DNAJC19: variants seen among roughly 807,000 people sequenced by gnomAD.
DNAJC19 encodes the protein mitochondrial import inner membrane translocase subunit TIM14.
In DNAJC19, 15 loss-of-function variants were observed where a neutral mutation model predicts 19.8. The observed-to-expected ratio is 0.76, with a 90% confidence interval of 0.51 to 1.17. DNAJC19 has a LOEUF of 1.17. Ranked by LOEUF, DNAJC19 falls within the 50% of genes most tolerant of loss-of-function variation. DNAJC19 has a pLI of 0.00. For missense variants in DNAJC19, 105 were observed against 140.9 expected (o/e 0.75, Z 1.29); for synonymous variants, 38 against 42.1 (o/e 0.90, Z 0.38).
In DNAJC19 at chr3:180,983,928, A is replaced by AT. The variant is rs1245221102; in HGVS notation, c.*711dup. 1 of 453,888 alleles carries AT rather than the reference A, an allele frequency of 2.2e-6. No homozygotes were observed. Among genetic ancestry groups the AT allele is most frequent in the Non-Finnish European group, 4.4e-6 (1 of 226,744 alleles). 28.1% of individuals were successfully genotyped at this position (453,888 alleles called of 1,614,324 possible). A position where few individuals can be genotyped will look rare whatever the true frequency, so the allele number is the denominator to read the frequency against. ...AAGGGGCTAGCTGAATACAATGTAA[A>AT]TACTCATGCCTGTAATCCCAGTACT... On this transcript the variant is annotated 3_prime_UTR_variant, in exon 6 of 6. Coordinates refer to ENST00000382564, the MANE Select transcript of DNAJC19 (RefSeq NM_145261.4).
At chr3:180,986,844 C>T (rs1714934338) in intron 4 of DNAJC19, 99 bp downstream of exon 4, 2 of 992,528 alleles carry the variant, frequency 2.0e-6, no homozygotes, top group South Asian at 1.3e-5. Context: ...ACAAAATCCC[C>T]CATGACCCTC....
At chr3:180,989,306 T>C in intron 1 of DNAJC19, 1 of 1,392,904 alleles carries the variant, frequency 7.2e-7, no homozygotes, top group Non-Finnish European at 9.3e-7. Flanking sequence ...TTTCCACTAA[T>C]CTCCGAGTCC....
intron 4 of DNAJC19, among the ~76,000 whole-genome samples, chr3:180,986,286 GTT>G (rs138755965): frequency 2.2e-5 from 3 of 138,572 alleles, no homozygotes. Context: ...GAAGAGTTTT[GTT>G]TTTTTTTTTT....
chr3:180,987,994 G>C, intron 3 of DNAJC19, 29 bp downstream of exon 3: 5 of 1,613,058 alleles, frequency 3.1e-6, no homozygotes, highest in Non-Finnish European at 4.2e-6. Context: ...GTTTCAAATA[G>C]AAGCAGCAAA....
intron 3 of DNAJC19, chr3:180,987,765 G>A: frequency 1.9e-6 from 1 of 513,576 alleles, no homozygotes; most frequent in Non-Finnish European, 3.5e-6. Flanking sequence ...TGAAGGTGAT[G>A]GTATGTGAAA....
At chr3:180,986,088 CTG>C (rs1178242465) in intron 4 of DNAJC19, 92 bp from the exon 5 acceptor site, 12 of 1,023,314 alleles carry the variant, frequency 1.2e-5, no homozygotes, top group East Asian at 7.4e-5. Context: ...CACTGTGAAA[CTG>C]TAGTAAATTA....
chr3:180,985,206 C>G (rs2108507411), intron 5 of DNAJC19, among the ~76,000 whole-genome samples: 1 of 152,256 alleles, frequency 6.6e-6, no homozygotes, highest in South Asian at 2.1e-4. Flanking sequence ...ACAATGTCAT[C>G]TACAGCTGCT....
chr3:180,989,508 G>T, intron 1 of DNAJC19, 92 bp downstream of exon 1: 1 of 1,550,878 alleles, frequency 6.4e-7, no homozygotes, highest in Non-Finnish European at 8.7e-7. Flanking sequence ...TCGCACTAAG[G>T]AGCACAACTT....
At chr3:180,989,397 C>A in intron 1 of DNAJC19, 3 of 1,437,664 alleles carry the variant, frequency 2.1e-6, no homozygotes, top group East Asian at 2.5e-5. Context: ...GAGAACCGTG[C>A]AGAAAGACGA....
chr3:180,988,878 T>C lies in DNAJC19; in HGVS notation c.4-649A>G, dbSNP rs550090770. 4.3e-3 allele frequency among the ~76,000 whole-genome samples: 639 copies of C among 149,908 alleles called. 4 individuals are homozygous for C. The highest frequency in any genetic ancestry group is 7.9e-3 in the Non-Finnish European group (531 of 67,488). On this transcript the variant is annotated intron_variant, in intron 1 of 5. Transcript: ENST00000382564. ...AAAAAAAATTAGCTGGGCGTGGTGG[T>C]GGGCGCCTGTAATCCCAGCTACTTG...
rs745435747 is a variant in DNAJC19, at chr3:180,983,968, C to T, written c.*672G>A. 2.4e-5 allele frequency: 11 copies of T among 453,750 alleles called. No homozygotes were observed. Among genetic ancestry groups the T allele is most frequent in the South Asian group, 4.7e-5 (3 of 64,462 alleles). The allele number at this position is 453,750 out of a possible 1,614,324, so 28.1% of individuals were successfully genotyped here. On this transcript the variant is annotated 3_prime_UTR_variant, in exon 6 of 6. Coordinates refer to ENST00000382564, the MANE Select transcript of DNAJC19 (RefSeq NM_145261.4). ...ATCCCAGTACTTTGGGAGGCTGAGGCGGGAGGACTGCTTAAACCCAGGAGG... is the reference window on the plus strand; with the variant it reads ...ATCCCAGTACTTTGGGAGGCTGAGGTGGGAGGACTGCTTAAACCCAGGAGG...
At chr3:180,988,798 C>T (rs908435863) in intron 1 of DNAJC19, among the ~76,000 whole-genome samples, 2 of 150,740 alleles carry the variant, frequency 1.3e-5, no homozygotes, top group South Asian at 2.1e-4. Context: ...GTCGGGAGAT[C>T]GAGACCATCC....
chr3:180,985,371 A>C (rs2108507527), intron 5 of DNAJC19: 1 of 154,830 alleles, frequency 6.5e-6, no homozygotes, highest in Admixed American at 6.3e-5. Context: ...AATTTCATAA[A>C]AGATACTGTG....
Position 180,984,224 on chromosome 3 carries a change from C to T in DNAJC19, c.*416G>A, listed in dbSNP as rs1165502589. 23 of 453,902 alleles carry T rather than the reference C, an allele frequency of 5.1e-5. No individual in the cohort carries two copies. The highest frequency in any genetic ancestry group is 1.2e-4 in the African/African-American group (6 of 49,954). The allele number at this position is 453,902 out of a possible 1,614,324, so 28.1% of individuals were successfully genotyped here. ...CCTGTACCTGGAACAGCCTTTCCAC[C>T]GAATAAGAAGAGTCCCTACTTAAAC... On this transcript the variant is annotated 3_prime_UTR_variant, in exon 6 of 6. Coordinates refer to ENST00000382564, the MANE Select transcript of DNAJC19 (RefSeq NM_145261.4).
intron 4 of DNAJC19, among the ~76,000 whole-genome samples, chr3:180,986,290 T>TG (rs533172909): frequency 1.5e-4 from 22 of 150,594 alleles, no homozygotes; most frequent in Non-Finnish European, 1.9e-4. Flanking sequence ...AGTTTTGTTT[T>TG]TTTTTTTTTT....
intron 1 of DNAJC19, chr3:180,989,219 C>G (rs1380712270): frequency 1.1e-6 from 1 of 899,466 alleles, no homozygotes; most frequent in East Asian, 5.9e-5. Context: ...TCAGCAAAAG[C>G]CAAAGAGAAG....
chr3:180,987,158 T>G, intron 3 of DNAJC19, 136 bp from the exon 4 acceptor site: 2 of 736,246 alleles, frequency 2.7e-6, no homozygotes, highest in Non-Finnish European at 4.7e-6. Flanking sequence ...CGAGGTATTT[T>G]AGCTAAAGCT....
intron 3 of DNAJC19, chr3:180,987,641 G>A (rs958875701): frequency 1.2e-5 from 4 of 328,266 alleles, no homozygotes; most frequent in African/African-American, 6.4e-5. Flanking sequence ...ACCTATGTAT[G>A]ATGTTTGGGA....
At chr3:180,985,079 T>G (rs1029857521) in intron 5 of DNAJC19, among the ~76,000 whole-genome samples, 11 of 152,170 alleles carry the variant, frequency 7.2e-5, no homozygotes, top group African/African-American at 2.7e-4. Flanking sequence ...TTATACCATG[T>G]TATTTTAATA....
Sources: allele counts gnomAD v4.1 joint callset (sites outside exome capture counted in the v4.1 genomes callset), GRCh38; gene constraint gnomAD v4.1.1; transcripts MANE v1.5; gene names NCBI Gene and HGNC (gene_info 2026-07-23, HGNC 2026-07-21).